The following MAP4K3 variants were observed in gnomAD, a reference collection of about 807,000 sequenced individuals.
MAP4K3 encodes the protein mitogen-activated protein kinase kinase kinase kinase 3.
In MAP4K3, 94 loss-of-function variants were observed where a neutral mutation model predicts 143.5. That is an observed-to-expected ratio of 0.65 (90% confidence interval 0.55 to 0.78). The LOEUF (loss-of-function observed/expected upper bound fraction) is 0.78, where lower values mean the gene tolerates loss of function less well. Among genes scored for constraint, MAP4K3 ranks in the 30% least tolerant of loss-of-function variants. MAP4K3 has a pLI of 0.00. For missense variants in MAP4K3, 1,077 were observed against 1,068.1 expected (o/e 1.01, Z -0.12); for synonymous variants, 416 against 347.2 (o/e 1.20, Z -2.20).
chr2:39,385,270 G>T (rs1225752893), intron 1 of MAP4K3, among the ~76,000 whole-genome samples: 1 of 152,092 alleles, frequency 6.6e-6, no homozygotes, highest in Non-Finnish European at 1.5e-5. Flanking sequence ...CAACTTTCCA[G>T]AGTGACTGTA....
chr2:39,325,455 G>A lies in MAP4K3; in HGVS notation c.918+63C>T, dbSNP rs957449451. ...AAATGGATTTTGAGACGTACATACA[G>A]ACACACATATATACATACACATATA... On this transcript the variant is annotated intron_variant, in intron 12 of 33. Transcript: ENST00000263881. 6 of 1,106,082 alleles carry A rather than the reference G, an allele frequency of 5.4e-6. No homozygotes were observed. The East Asian group carries it at 7.3e-5, about 13-fold the overall frequency. The allele number at this position is 1,106,082 out of a possible 1,614,324, so 68.5% of individuals were successfully genotyped here. A position where few individuals can be genotyped will look rare whatever the true frequency, so the allele number is the denominator to read the frequency against.
rs538646691 is a variant in MAP4K3 at position 39,298,553 on chromosome 2, G to A, written c.1178+1190C>T. On this transcript the variant is annotated intron_variant, in intron 16 of 33. Coordinates refer to ENST00000263881, the MANE Select transcript of MAP4K3 (RefSeq NM_003618.4). The stretch of plus-strand genomic sequence containing the variant: ...GTTTATTAAAAAAAGAGAGAAACAT[G>A]ATTTTGCATTATTACCCTTAAAACT... Among the ~76,000 whole-genome samples, 7 of 152,214 alleles carry A rather than the reference G, an allele frequency of 4.6e-5. No homozygotes were observed. The South Asian group carries it at 1.5e-3, about 32-fold the overall frequency.
At chr2:39,271,633 C>T (rs1005559568) in intron 26 of MAP4K3, among the ~76,000 whole-genome samples, 1 of 152,192 alleles carries the variant, frequency 6.6e-6, no homozygotes, top group Non-Finnish European at 1.5e-5. Flanking sequence ...GCCTTGTTAG[C>T]CAGGCTGGAG....
chr2:39,305,905 C>A (rs1178758643), intron 15 of MAP4K3, among the ~76,000 whole-genome samples: 1 of 152,040 alleles, frequency 6.6e-6, no homozygotes, highest in African/African-American at 2.4e-5. Flanking sequence ...TCTTGGCTCA[C>A]TGCAACCTCC....
rs553148746 is a variant in MAP4K3 at position 39,250,490 on chromosome 2, A to T, written c.*128T>A. 1.1e-6 allele frequency: 1 copy of T among 872,352 alleles called. No individual in the cohort carries two copies. 54.0% of individuals were successfully genotyped at this position (872,352 alleles called of 1,614,324 possible). ...AACAAAATTTTCCCCATCTTATCTC[A>T]TGCCACAATAAATTACAAAGTAACT... is the stretch of plus-strand genomic sequence containing the variant. On this transcript the variant is annotated 3_prime_UTR_variant, in exon 34 of 34. Transcript: ENST00000263881.
intron 28 of MAP4K3, among the ~76,000 whole-genome samples, chr2:39,263,410 C>CTG: frequency 6.7e-6 from 1 of 148,854 alleles, no homozygotes; most frequent in Non-Finnish European, 1.5e-5. Context: ...GTAGCTGGGA[C>CTG]TACAGGCGCC....
At position 39,258,591 on chromosome 2, in the gene MAP4K3, C is replaced by T. The variant is rs774855097; in HGVS notation, c.2309-4G>A. ...GTAACATTTGTCTGTGGGGTATCTA[C>T]AATACAAACAAATTTTGGTAAACCT... On this transcript the variant is annotated splice_region_variant and splice_polypyrimidine_tract_variant and intron_variant, in intron 29 of 33. Coordinates refer to ENST00000263881, the MANE Select transcript of MAP4K3 (RefSeq NM_003618.4). The T allele has an allele frequency of 5.6e-6, 9 of 1,608,188 alleles. No individual in the cohort carries two copies. Among genetic ancestry groups the T allele is most frequent in the Admixed American group, 1.7e-5 (1 of 59,904 alleles).
chr2:39,398,551 G>A (rs557112658), intron 1 of MAP4K3, among the ~76,000 whole-genome samples: 1 of 151,518 alleles, frequency 6.6e-6, no homozygotes, highest in South Asian at 2.1e-4. Flanking sequence ...TTTTAAAATA[G>A]CACTTTGCAT....
intron 13 of MAP4K3, among the ~76,000 whole-genome samples, chr2:39,314,194 T>C (rs1237377997): frequency 6.6e-6 from 1 of 152,120 alleles, no homozygotes; most frequent in Non-Finnish European, 1.5e-5. Context: ...CATGCCTGGC[T>C]AATTTTGGTA....
chr2:39,343,460 G>C lies in MAP4K3; in HGVS notation c.246-8C>G. ...ATCCAAAGCTTATCTCGCCTATAAA[G>C]AGAAAAGAAGCATGTATCATATTTT... On this transcript the variant is annotated splice_region_variant and splice_polypyrimidine_tract_variant and intron_variant, in intron 3 of 33. Transcript: ENST00000263881. 6.2e-7 allele frequency: 1 copy of C among 1,610,042 alleles called. No homozygotes were observed. The highest frequency in any genetic ancestry group is 8.5e-7 in the Non-Finnish European group (1 of 1,177,358).
intron 3 of MAP4K3, among the ~76,000 whole-genome samples, chr2:39,355,954 G>C (rs1347082106): frequency 6.6e-6 from 1 of 152,160 alleles, no homozygotes; most frequent in Non-Finnish European, 1.5e-5. Flanking sequence ...AGAAGAAAGG[G>C]GCAAGAGAAT....
intron 13 of MAP4K3, among the ~76,000 whole-genome samples, chr2:39,311,430 T>C (rs1184212534): frequency 1.3e-5 from 2 of 152,166 alleles, no homozygotes; most frequent in Non-Finnish European, 2.9e-5. Context: ...TGATACAGGG[T>C]ACTTGTGGAA....
intron 1 of MAP4K3, among the ~76,000 whole-genome samples, chr2:39,398,772 T>C (rs1666878103): frequency 1.3e-5 from 2 of 149,666 alleles, no homozygotes; most frequent in East Asian, 2.0e-4. Context: ...TGGCCAGGCA[T>C]TGGCTCATGC....
At chr2:39,329,020 TATA>T (rs1248204329) in intron 8 of MAP4K3, among the ~76,000 whole-genome samples, 1 of 152,182 alleles carries the variant, frequency 6.6e-6, no homozygotes, top group Non-Finnish European at 1.5e-5. Flanking sequence ...GTAGGAAAGA[TATA>T]ATACCAGAAA....
chr2:39,340,020 A>C (rs1665094505), intron 4 of MAP4K3, among the ~76,000 whole-genome samples: 1 of 149,212 alleles, frequency 6.7e-6, no homozygotes, highest in Non-Finnish European at 1.5e-5. Flanking sequence ...GCTCAATGGA[A>C]AATAGAAAAA....
chr2:39,318,549 G>A (rs1464502628), intron 12 of MAP4K3, among the ~76,000 whole-genome samples: 1 of 151,854 alleles, frequency 6.6e-6, no homozygotes, highest in Non-Finnish European at 1.5e-5. Flanking sequence ...AGACACCTGC[G>A]ATAACGGGCT....
chr2:39,303,578 A>G (rs1682588705), intron 15 of MAP4K3, among the ~76,000 whole-genome samples: 1 of 152,072 alleles, frequency 6.6e-6, no homozygotes, highest in Admixed American at 6.6e-5. Context: ...TTGATCTGTC[A>G]CCCAAGCTGG....
At chr2:39,348,737 T>C (rs1156596190) in intron 3 of MAP4K3, among the ~76,000 whole-genome samples, 2 of 152,168 alleles carry the variant, frequency 1.3e-5, no homozygotes, top group Non-Finnish European at 2.9e-5. Flanking sequence ...AAATTATTTA[T>C]CTTATAAGAA....
intron 28 of MAP4K3, among the ~76,000 whole-genome samples, chr2:39,263,309 G>A (rs1346273285): frequency 7.4e-6 from 1 of 134,514 alleles, no homozygotes; most frequent in Non-Finnish European, 1.5e-5. Context: ...GTCTCGCTCT[G>A]TGGCCCAGGC....
Sources: gnomAD v4.1 joint callset for allele counts (sites outside exome capture counted in the v4.1 genomes callset) on GRCh38, gnomAD v4.1.1 for gene constraint, MANE v1.5 for transcripts, NCBI Gene and HGNC (gene_info 2026-07-23, HGNC 2026-07-21) for gene names.